Variants in ZNF93 observed in about 807,000 individuals in gnomAD.
ZNF93 encodes zinc finger protein 505.
A neutral mutation model predicts 45.0 loss-of-function variants in ZNF93; 29 were observed. The ratio of observed to expected loss-of-function variants is 0.64; its 90% CI spans 0.48 to 0.88. ZNF93 has a LOEUF of 0.88. Among genes scored for constraint, ZNF93 ranks in the 40% least tolerant of loss-of-function variants. The pLI is 0.00. For missense variants in ZNF93, 578 were observed against 724.0 expected (o/e 0.80, Z 2.31); for synonymous variants, 223 against 244.6 (o/e 0.91, Z 0.82).
rs1177897237 is a variant in ZNF93, at chr19:19,915,408, T to G, written c.130+2T>G. Reference sequence around the variant, plus strand: ...ACTACAGTAACCTGGTCTTCCTTGGTGAGGATAACTTTAATACATAATTCA... The same window carrying G: ...ACTACAGTAACCTGGTCTTCCTTGGGGAGGATAACTTTAATACATAATTCA... On this transcript the variant is annotated splice_donor_variant, in intron 2 of 3. Coordinates refer to ENST00000343769, the MANE Select transcript of ZNF93 (RefSeq NM_031218.4). LOFTEE classifies it high-confidence loss of function. 2 of 1,612,508 alleles carry G rather than the reference T, an allele frequency of 1.2e-6. No homozygotes were observed. Among genetic ancestry groups the G allele is most frequent in the Admixed American group, 3.3e-5 (2 of 59,752 alleles).
intron 1 of ZNF93, chr19:19,908,335 G>A (rs1453021545): frequency 6.6e-6 from 1 of 152,176 alleles, no homozygotes; most frequent in East Asian, 1.9e-4. Flanking sequence ...GCTAGAAAAT[G>A]AGACTGCAGC....
chr19:19,923,943 A>G (rs1190418477), intron 3 of ZNF93, among the ~76,000 whole-genome samples: 2 of 152,138 alleles, frequency 1.3e-5, no homozygotes, highest in African/African-American at 2.4e-5. Flanking sequence ...TTGTCCGACA[A>G]TTCCCAGTGA....
chr19:19,931,949 C>T (rs1239511941), intron 3 of ZNF93: 4 of 371,444 alleles, frequency 1.1e-5, no homozygotes, highest in East Asian at 1.2e-4. Flanking sequence ...AAAAACTATG[C>T]CTCTATATTT....
intron 1 of ZNF93, among the ~76,000 whole-genome samples, chr19:19,913,265 G>A (rs2063314655): frequency 6.6e-6 from 1 of 152,184 alleles, no homozygotes; most frequent in Non-Finnish European, 1.5e-5. Flanking sequence ...GCAATGCTTA[G>A]CTTAGTGGTT....
rs1491232808 is a variant in ZNF93, at chr19:19,934,109, CTA to C, written c.1155_1156del (p.Arg386ThrfsTer2). 7 of 1,610,252 alleles carry C rather than the reference CTA, an allele frequency of 4.3e-6. No homozygotes were observed. The highest frequency in any genetic ancestry group is 3.4e-5 in the Admixed American group (2 of 58,532). On this transcript the variant is annotated frameshift_variant, in exon 4 of 4. Coordinates refer to ENST00000343769, the MANE Select transcript of ZNF93 (RefSeq NM_031218.4). LOFTEE classifies it high-confidence loss of function. ...GCCTTCATTTGGTCCTCAGTCCTAACTAGACATAAGAGAGTTCATACTGGAGA... is the reference window on the plus strand; with the variant it reads ...GCCTTCATTTGGTCCTCAGTCCTAACGACATAAGAGAGTTCATACTGGAGA...
chr19:19,927,228 C>G (rs886093309), intron 3 of ZNF93: 1 of 398,218 alleles, frequency 2.5e-6, no homozygotes, highest in African/African-American at 2.1e-5. Flanking sequence ...AGACCCCTCT[C>G]TATGAAAAAA....
chr19:19,901,092 G>A lies in ZNF93; in HGVS notation c.3+1G>A, dbSNP rs369006566. On this transcript the variant is annotated splice_donor_variant, in intron 1 of 3. Transcript: ENST00000343769. LOFTEE classifies it high-confidence loss of function. ...CAGGACCCCTGGAAGCCTAGAAATG[G>A]TGAGAGTGCCGGTCCGACATCCCAA... is the stretch of plus-strand genomic sequence containing the variant. 4.3e-6 allele frequency: 7 copies of A among 1,613,586 alleles called. No homozygotes were observed. The highest frequency in any genetic ancestry group is 5.9e-6 in the Non-Finnish European group (7 of 1,179,670).
intron 1 of ZNF93, among the ~76,000 whole-genome samples, chr19:19,913,076 T>C (rs2063314057): frequency 6.6e-6 from 1 of 152,216 alleles, no homozygotes; most frequent in South Asian, 2.1e-4. Context: ...AGGGACCCTG[T>C]GCTGTTCCTG....
At chr19:19,910,945 C>T (rs539783672) in intron 1 of ZNF93, among the ~76,000 whole-genome samples, 1 of 152,276 alleles carries the variant, frequency 6.6e-6, no homozygotes, top group African/African-American at 2.4e-5. Flanking sequence ...TTGAGATTTT[C>T]ACATCTTGTT....
At chr19:19,902,485 C>T (rs1012171710) in intron 1 of ZNF93, among the ~76,000 whole-genome samples, 1 of 151,832 alleles carries the variant, frequency 6.6e-6, no homozygotes, top group Non-Finnish European at 1.5e-5. Flanking sequence ...CTCGAGCTCC[C>T]GGCCTCTGGT....
intron 3 of ZNF93, among the ~76,000 whole-genome samples, chr19:19,921,009 C>T (rs1260789433): frequency 2.6e-5 from 4 of 151,996 alleles, no homozygotes; most frequent in Non-Finnish European, 4.4e-5. Context: ...GCTCTTGCTT[C>T]TCTAGTTCTT....
intron 1 of ZNF93, among the ~76,000 whole-genome samples, chr19:19,911,344 A>G (rs2063307360): frequency 1.3e-5 from 2 of 152,244 alleles, no homozygotes; most frequent in Non-Finnish European, 2.9e-5. Context: ...TGTCAGGCTG[A>G]CAAGAGTGGT....
intron 3 of ZNF93, among the ~76,000 whole-genome samples, chr19:19,923,549 C>T (rs1019941932): frequency 6.6e-6 from 1 of 152,194 alleles, no homozygotes; most frequent in Admixed American, 6.5e-5. Flanking sequence ...CCTCCTTGAG[C>T]TGTGGTGGGC....
chr19:19,917,384 A>G (rs914713545), intron 3 of ZNF93, among the ~76,000 whole-genome samples: 4 of 151,650 alleles, frequency 2.6e-5, no homozygotes, highest in African/African-American at 9.7e-5. Flanking sequence ...GGATCTTCTA[A>G]TTTTTTTATT....
chr19:19,921,444 G>T (rs1471228975), intron 3 of ZNF93, among the ~76,000 whole-genome samples: 1 of 152,150 alleles, frequency 6.6e-6, no homozygotes, highest in Admixed American at 6.5e-5. Flanking sequence ...GAGTTCTGTG[G>T]ATGTCTGTTA....
rs899925371 is a variant in ZNF93, at chr19:19,916,612, A to G, written c.183A>G (p.Lys61=). Residue 61 remains lysine, a synonymous_variant, in exon 3 of 4, where the codon AAA becomes AAG. Transcript: ENST00000343769. The part of the protein sequence containing the change: ...DLIAHLEQGK[K]PLTMKRHEMV... ...TCGCCCATCTGGAGCAAGGAAAAAA[A>G]CCTTTGACTATGAAGAGACATGAGA... is the stretch of plus-strand genomic sequence containing the variant. The G allele has an allele frequency of 2.5e-6, 4 of 1,612,242 alleles. No individual in the cohort carries two copies. The highest frequency in any genetic ancestry group is 3.4e-6 in the Non-Finnish European group (4 of 1,179,382).
chr19:19,910,841 G>A (rs1704879862), intron 1 of ZNF93, among the ~76,000 whole-genome samples: 1 of 152,106 alleles, frequency 6.6e-6, no homozygotes, highest in Non-Finnish European at 1.5e-5. Flanking sequence ...CCAGAACTTG[G>A]ATTGAGAATG....
intron 1 of ZNF93, among the ~76,000 whole-genome samples, chr19:19,901,927 T>C (rs1439663274): frequency 2.6e-5 from 4 of 152,040 alleles, no homozygotes; most frequent in Admixed American, 2.0e-4. Context: ...CCGTCTCTAC[T>C]AAAAATACAA....
intron 3 of ZNF93, among the ~76,000 whole-genome samples, chr19:19,930,536 T>C (rs931263677): frequency 3.6e-5 from 5 of 140,250 alleles, no homozygotes; most frequent in African/African-American, 1.3e-4. Flanking sequence ...AGGCTACTGC[T>C]AGACCGCGGT....
Sources: allele counts gnomAD v4.1 joint callset (sites outside exome capture counted in the v4.1 genomes callset), GRCh38; gene constraint gnomAD v4.1.1; transcripts MANE v1.5; gene names NCBI Gene and HGNC (gene_info 2026-07-23, HGNC 2026-07-21).